Variants in SLC35F4 observed in about 807,000 individuals in gnomAD.
The protein encoded by SLC35F4 is chromosome 14 open reading frame 36.
In SLC35F4, 24 loss-of-function variants were observed where a neutral mutation model predicts 44.2. The ratio of observed to expected loss-of-function variants is 0.54; its 90% CI spans 0.39 to 0.76. The LOEUF (loss-of-function observed/expected upper bound fraction) is 0.76, where lower values mean the gene tolerates loss of function less well. Ranked by LOEUF, SLC35F4 falls within the 30% of genes least tolerant of loss-of-function variation. The probability of loss-of-function intolerance (pLI) is 0.00; values close to 1 mark genes in which losing one functional copy is unlikely to be tolerated. For missense variants in SLC35F4, 562 were observed against 586.1 expected, an observed-to-expected ratio of 0.96 and a Z score of 0.42; for synonymous variants, 238 against 223.6, an observed-to-expected ratio of 1.06 and a Z score of -0.57.
chr14:57,677,448 T>A (rs910066763), intron 1 of SLC35F4, among the ~76,000 whole-genome samples: 2 of 151,982 alleles, frequency 1.3e-5, no homozygotes, highest in African/African-American at 4.8e-5. Flanking sequence ...AACAGATGGG[T>A]AGCTATGCAT....
At chr14:57,835,348 A>T (rs1003513788) in intron 1 of SLC35F4, among the ~76,000 whole-genome samples, 1 of 152,310 alleles carries the variant, frequency 6.6e-6, no homozygotes, top group Non-Finnish European at 1.5e-5. Context: ...CTTCTCAACA[A>T]TTGGAAGTCA....
intron 1 of SLC35F4, among the ~76,000 whole-genome samples, chr14:57,737,848 T>G (rs2076505888): frequency 6.6e-6 from 1 of 152,208 alleles, no homozygotes; most frequent in Non-Finnish European, 1.5e-5. Flanking sequence ...AATTAATCCT[T>G]TCCAAATGCA....
intron 1 of SLC35F4, among the ~76,000 whole-genome samples, chr14:57,625,999 AG>A: frequency 6.6e-6 from 1 of 151,930 alleles, no homozygotes; most frequent in East Asian, 1.9e-4. Flanking sequence ...GCCATAAAAA[AG>A]GATGAGTTCA....
At position 57,877,674 on chromosome 14, in the gene SLC35F4, C is replaced by CTT. The variant is rs139397949; in HGVS notation, n.282+104237_282+104238dup. Among the ~76,000 whole-genome samples the CTT allele has an allele frequency of 0.013, 665 of 52,434 alleles. 147 individuals carry two copies. In the East Asian group the frequency reaches 0.22, roughly 17 times the overall value. The allele number at this position is 52,434 out of a possible 152,430, so 34.4% of individuals were successfully genotyped here. On this transcript the variant is annotated intron_variant and non_coding_transcript_variant, in intron 1 of 1. Transcript: ENST00000556568. ...CTTGCCAGCATCTGTTATTTTTTGACTTTTTTTTTTTTTTTTTTTTTTTTT... is the reference window on the plus strand; with the variant it reads ...CTTGCCAGCATCTGTTATTTTTTGACTTTTTTTTTTTTTTTTTTTTTTTTTTT...
intron 1 of SLC35F4, among the ~76,000 whole-genome samples, chr14:57,741,442 T>G (rs1207998373): frequency 6.6e-6 from 1 of 152,084 alleles, no homozygotes; most frequent in Non-Finnish European, 1.5e-5. Flanking sequence ...ACGTGACACA[T>G]GCACAAGCTT....
intron 1 of SLC35F4, among the ~76,000 whole-genome samples, chr14:57,853,450 T>C (rs910976684): frequency 2.6e-5 from 4 of 152,200 alleles, no homozygotes; most frequent in Non-Finnish European, 4.4e-5. Flanking sequence ...CTATCATCTC[T>C]TCCCTCATAC....
intron 1 of SLC35F4, among the ~76,000 whole-genome samples, chr14:57,617,578 C>G (rs928566094): frequency 5.9e-5 from 9 of 152,166 alleles, no homozygotes; most frequent in Non-Finnish European, 1.3e-4. Flanking sequence ...CTTAGGTGCT[C>G]ATAAAATAGC....
chr14:57,596,716 G>T, intron 1 of SLC35F4: 4 of 1,191,476 alleles, frequency 3.4e-6, no homozygotes, highest in South Asian at 1.2e-5. Flanking sequence ...TGTGTAGCGA[G>T]CAAGTGTTGA....
intron 1 of SLC35F4, among the ~76,000 whole-genome samples, chr14:57,925,216 T>G (rs934250253): frequency 3.9e-5 from 6 of 152,148 alleles, no homozygotes; most frequent in Admixed American, 3.3e-4. Flanking sequence ...GGATCAAATT[T>G]CAACATGAGA....
chr14:57,794,198 T>C (rs181482919), intron 1 of SLC35F4, among the ~76,000 whole-genome samples: 3 of 151,788 alleles, frequency 2.0e-5, no homozygotes, highest in East Asian at 1.9e-4. Context: ...CAAAAATAAG[T>C]AAGACCAAAC....
intron 1 of SLC35F4, among the ~76,000 whole-genome samples, chr14:57,943,379 C>T (rs189605852): frequency 3.5e-4 from 53 of 152,316 alleles, no homozygotes; most frequent in Middle Eastern, 3.4e-3. Flanking sequence ...TTGCTATTCC[C>T]TGGTCTAATT....
At chr14:57,569,674 A>T in intron 6 of SLC35F4, 114 bp downstream of exon 6, 1 of 1,183,184 alleles carries the variant, frequency 8.5e-7, no homozygotes, top group South Asian at 1.9e-5. Context: ...TGAACAACAT[A>T]AGTTTGGGAA....
chr14:57,761,226 G>T (rs2077117458), intron 1 of SLC35F4, among the ~76,000 whole-genome samples: 1 of 152,116 alleles, frequency 6.6e-6, no homozygotes. Context: ...AATTGTTTTA[G>T]GTAGAAGGAT....
chr14:57,593,837 A>G, intron 2 of SLC35F4, 102 bp downstream of exon 2: 1 of 1,278,010 alleles, frequency 7.8e-7, no homozygotes, highest in Non-Finnish European at 1.1e-6. Flanking sequence ...TGTACTCATA[A>G]GAGTCCGTGT....
chr14:57,916,867 T>C (rs1193402431), intron 1 of SLC35F4, among the ~76,000 whole-genome samples: 1 of 152,222 alleles, frequency 6.6e-6, no homozygotes, highest in Non-Finnish European at 1.5e-5. Flanking sequence ...GATGTTTCTA[T>C]TGTCAATCCT....
At chr14:57,606,798 T>G (rs2071190916) in intron 1 of SLC35F4, among the ~76,000 whole-genome samples, 1 of 152,184 alleles carries the variant, frequency 6.6e-6, no homozygotes, top group African/African-American at 2.4e-5. Context: ...GTTTCTTGAT[T>G]GGTAGATTTG....
At chr14:57,792,049 A>C (rs1041530821) in intron 1 of SLC35F4, among the ~76,000 whole-genome samples, 6 of 152,230 alleles carry the variant, frequency 3.9e-5, no homozygotes, top group African/African-American at 1.4e-4. Context: ...CCACCATGGC[A>C]CATGTGTACC....
rs148812109 is a variant in SLC35F4 at position 57,742,448 on chromosome 14, A to C, written c.103+123275T>G. 4.3e-3 allele frequency among the ~76,000 whole-genome samples: 654 copies of C among 152,352 alleles called. 4 individuals carry two copies. The highest frequency in any genetic ancestry group is 0.015 in the African/African-American group (621 of 41,578). ...CCTAGTCTCTGATAAAACAGACTTT[A>C]AACCAACAAAGATCAAAAGAGACAA... On this transcript the variant is annotated intron_variant, in intron 1 of 7. Transcript: ENST00000556826.
intron 1 of SLC35F4, among the ~76,000 whole-genome samples, chr14:57,977,376 G>A (rs774802277): frequency 1.3e-5 from 2 of 152,094 alleles, no homozygotes; most frequent in African/African-American, 2.4e-5. Flanking sequence ...ATGGTGTATC[G>A]AGTCTGACAA....
Sources: allele counts gnomAD v4.1 joint callset (sites outside exome capture counted in the v4.1 genomes callset), GRCh38; gene constraint gnomAD v4.1.1; transcripts MANE v1.5; gene names NCBI Gene and HGNC (gene_info 2026-07-23, HGNC 2026-07-21).